EXOC1: variants seen among roughly 807,000 people sequenced by gnomAD.
EXOC1 encodes exocyst complex component 1, also known as SEC3-like 1.
Under a neutral mutation model 107.7 loss-of-function variants are expected in EXOC1, and 67 were observed. That is an observed-to-expected ratio of 0.62 (90% CI 0.51 to 0.76). The LOEUF (loss-of-function observed/expected upper bound fraction) is 0.76. EXOC1 is among the 30% of genes least tolerant of loss of function. The pLI is 0.00. For synonymous variants in EXOC1, 348 were observed against 353.5 expected, an observed-to-expected ratio of 0.98 and a Z score of 0.17; for missense variants, 833 against 1,055.7, an observed-to-expected ratio of 0.79 and a Z score of 2.92.
chr4:55,876,528 C>T, intron 8 of EXOC1: 2 of 924,746 alleles, frequency 2.2e-6, no homozygotes, highest in Non-Finnish European at 2.6e-6. Context: ...TGGTGCCAAG[C>T]TTAGTCTGAG....
intron 10 of EXOC1, among the ~76,000 whole-genome samples, chr4:55,887,159 G>A (rs1723967199): frequency 6.7e-6 from 1 of 148,156 alleles, no homozygotes; most frequent in South Asian, 2.2e-4. Flanking sequence ...TTCTACTGTT[G>A]AGATATATAT....
At chr4:55,877,830 C>A in intron 8 of EXOC1, 87 bp from the exon 9 acceptor site, 1 of 1,547,788 alleles carries the variant, frequency 6.5e-7, no homozygotes. Flanking sequence ...TTTGGCTTGG[C>A]CACATTTTGG....
chr4:55,893,756 CA>C lies in EXOC1; in HGVS notation c.1933del (p.Arg645GlyfsTer11). 3.1e-6 allele frequency: 5 copies of C among 1,613,044 alleles called. No homozygotes were observed. Among genetic ancestry groups the C allele is most frequent in the Non-Finnish European group, 4.2e-6 (5 of 1,179,766 alleles). On this transcript the variant is annotated frameshift_variant, in exon 15 of 19. Transcript: ENST00000381295. LOFTEE classifies it high-confidence loss of function. ...TTLGNVLVTV[K>X]RNFDKCISNQ... ...CATTGGGAAATGTTTTGGTGACTGT[CA>C]AAAGGAACTTTGACAAATGCATTGT...
chr4:55,900,084 ATTAT>A (rs1005566730), intron 17 of EXOC1, among the ~76,000 whole-genome samples, 200 bp downstream of exon 17: 3 of 152,102 alleles, frequency 2.0e-5, no homozygotes, highest in African/African-American at 7.2e-5. Context: ...ATTTTTATAC[ATTAT>A]TTATCTACTA....
chr4:55,878,187 G>T (rs1723071365), intron 9 of EXOC1, 121 bp downstream of exon 9: 3 of 1,097,596 alleles, frequency 2.7e-6, no homozygotes, highest in Non-Finnish European at 3.9e-6. Context: ...AGCAGAAAAT[G>T]AGTCAGTGCT....
Position 55,877,769 on chromosome 4 carries a change from G to A in EXOC1, c.1075-148G>A, listed in dbSNP as rs542495040. The A allele has an allele frequency of 2.8e-6, 4 of 1,439,070 alleles. No individual in the cohort carries two copies. The South Asian group carries it at 6.1e-5, about 22-fold the overall frequency. The allele number at this position is 1,439,070 out of a possible 1,614,324, so 89.1% of individuals were successfully genotyped here. ...GATATAAAAGTTGTGTAAGTATTTGGTTTTTATTTTTCTGTGTTCTATTCT... is the reference window on the plus strand; with the variant it reads ...GATATAAAAGTTGTGTAAGTATTTGATTTTTATTTTTCTGTGTTCTATTCT... On this transcript the variant is annotated intron_variant, in intron 8 of 18. Coordinates refer to ENST00000381295, the MANE Select transcript of EXOC1 (RefSeq NM_001024924.2).
At position 55,902,325 on chromosome 4, in the gene EXOC1, T is replaced by C; in HGVS notation, c.2338-19T>C. On this transcript the variant is annotated intron_variant, in intron 17 of 18. Transcript: ENST00000381295. The stretch of plus-strand genomic sequence containing the variant: ...ATAAATGCAGGTCTTAGCCATTGTT[T>C]CTTTTCATTTCCTTGAAGCATTTCT... 2 of 1,413,216 alleles carry C rather than the reference T, an allele frequency of 1.4e-6. No individual in the cohort carries two copies. The highest frequency in any genetic ancestry group is 1.9e-6 in the Non-Finnish European group (2 of 1,080,412). The allele number at this position is 1,413,216 out of a possible 1,614,324, so 87.5% of individuals were successfully genotyped here. A position where few individuals can be genotyped will look rare whatever the true frequency, so the allele number is the denominator to read the frequency against.
At chr4:55,885,893 T>C (rs1048077256) in intron 10 of EXOC1, among the ~76,000 whole-genome samples, 1 of 152,196 alleles carries the variant, frequency 6.6e-6, no homozygotes, top group African/African-American at 2.4e-5. Flanking sequence ...TTCAAAGATA[T>C]CTTTTCAGTG....
rs776830316 is a variant in EXOC1, at chr4:55,890,237, TC to T, written c.1391del (p.Ser464TrpfsTer4). ...KQETESLHGS[S>X]GKLTGSTSSL... ...TTATTTCTTAGGTCTTCATGGAAGT[TC>T]GGGGAAATTAACTGGATCTACTTCT... On this transcript the variant is annotated frameshift_variant, in exon 12 of 19. Coordinates refer to ENST00000381295, the MANE Select transcript of EXOC1 (RefSeq NM_001024924.2). LOFTEE classifies it high-confidence loss of function. 2 of 1,613,934 alleles carry T rather than the reference TC, an allele frequency of 1.2e-6. No individual in the cohort carries two copies. The highest frequency in any genetic ancestry group is 1.7e-6 in the Non-Finnish European group (2 of 1,179,896).
chr4:55,888,801 T>C, intron 10 of EXOC1, 87 bp from the exon 11 acceptor site: 1 of 1,377,060 alleles, frequency 7.3e-7, no homozygotes, highest in South Asian at 1.2e-5. Flanking sequence ...AAACTAGAGC[T>C]TTAACTTCCT....
chr4:55,860,002 T>C (rs1487365758), intron 2 of EXOC1, among the ~76,000 whole-genome samples: 1 of 152,184 alleles, frequency 6.6e-6, no homozygotes, highest in Non-Finnish European at 1.5e-5. Context: ...GGCAGATCGC[T>C]GGAGCCCAGG....
At chr4:55,891,581 G>A (rs1033452870) in intron 13 of EXOC1, among the ~76,000 whole-genome samples, 159 bp downstream of exon 13, 8 of 152,142 alleles carry the variant, frequency 5.3e-5, no homozygotes, top group African/African-American at 1.9e-4. Context: ...AGGAATTTTT[G>A]TAATACCACA....
chr4:55,883,033 A>G lies in EXOC1; in HGVS notation c.1225-790A>G, dbSNP rs1397985786. The G allele has an allele frequency of 2.6e-5, 4 of 152,134 alleles. No individual in the cohort carries two copies. The South Asian group carries it at 8.3e-4, about 31-fold the overall frequency. The allele number at this position is 152,134 out of a possible 1,614,324, so 9.4% of individuals were successfully genotyped here. A position where few individuals can be genotyped will look rare whatever the true frequency, so the allele number is the denominator to read the frequency against. ...TATGTGATAATAAGTAGAGATGATG[A>G]AGAAATGATTTTTGTATGCCAAAGG... On this transcript the variant is annotated intron_variant, in intron 9 of 18. Transcript: ENST00000381295.
intron 9 of EXOC1, chr4:55,882,776 A>T (rs1262271474): frequency 6.6e-6 from 1 of 152,204 alleles, no homozygotes; most frequent in Non-Finnish European, 1.5e-5. Flanking sequence ...CTGATCTTTA[A>T]AGCAGGTAAA....
At chr4:55,871,668 A>G (rs1020855910) in intron 7 of EXOC1, among the ~76,000 whole-genome samples, 181 bp from the exon 8 acceptor site, 1 of 152,106 alleles carries the variant, frequency 6.6e-6, no homozygotes, top group East Asian at 1.9e-4. Context: ...GTGAGGCAAG[A>G]CCACACTTTG....
At chr4:55,863,238 A>C (rs1303336308) in intron 3 of EXOC1, among the ~76,000 whole-genome samples, 1 of 152,086 alleles carries the variant, frequency 6.6e-6, no homozygotes, top group African/African-American at 2.4e-5. Context: ...CTATTCATTC[A>C]AGGGAGAAAT....
intron 8 of EXOC1, chr4:55,876,605 A>G (rs1722916036): frequency 4.1e-6 from 4 of 985,328 alleles, no homozygotes; most frequent in Non-Finnish European, 3.6e-6. Context: ...TACCTTGTGT[A>G]TAACATCTGT....
intron 9 of EXOC1, among the ~76,000 whole-genome samples, chr4:55,879,453 C>CAGGGGCAGACCCTGGT (rs1723190979): frequency 6.6e-6 from 1 of 151,778 alleles, no homozygotes; most frequent in Admixed American, 6.6e-5. Flanking sequence ...CACTGTGAGC[C>CAGGGGCAGACCCTGGT]AGGGGCAGAC....
chr4:55,870,610 C>T, intron 5 of EXOC1, 68 bp from the exon 6 acceptor site: 1 of 1,451,262 alleles, frequency 6.9e-7, no homozygotes, highest in Non-Finnish European at 9.5e-7. Flanking sequence ...TTTTACACAT[C>T]TAAATAACAA....
Sources: gnomAD v4.1 joint callset for allele counts (sites outside exome capture counted in the v4.1 genomes callset) on GRCh38, gnomAD v4.1.1 for gene constraint, MANE v1.5 for transcripts, NCBI Gene and HGNC (gene_info 2026-07-23, HGNC 2026-07-21) for gene names.